The following MATN2 variants were observed in gnomAD, a reference collection of about 807,000 sequenced individuals.
MATN2 encodes the protein matrilin-2.
Under a neutral mutation model 103.2 loss-of-function variants are expected in MATN2, and 69 were observed. The observed-to-expected ratio is 0.67, with a 90% CI of 0.55 to 0.82. The LOEUF (loss-of-function observed/expected upper bound fraction) is 0.82, where lower values mean the gene tolerates loss of function less well. MATN2 is among the 40% of genes least tolerant of loss of function. MATN2 has a pLI of 0.00. For missense variants in MATN2, 1,023 were observed against 1,211.5 expected, an observed-to-expected ratio of 0.84 and a Z score of 2.31; for synonymous variants, 429 against 450.2, an observed-to-expected ratio of 0.95 and a Z score of 0.60.
At position 97,888,187 on chromosome 8, in the gene MATN2, G is replaced by A; in HGVS notation, c.87G>A (p.Gly29=). 3 of 1,606,702 alleles carry A rather than the reference G, an allele frequency of 1.9e-6. No individual in the cohort carries two copies. The highest frequency in any genetic ancestry group is 2.6e-6 in the Non-Finnish European group (3 of 1,175,858). Residue 29 remains glycine, a synonymous_variant, in exon 2 of 19, where the codon GGG becomes GGA. Coordinates refer to ENST00000254898, the MANE Select transcript of MATN2 (RefSeq NM_002380.5). ...CCGAGGCCAGGGAGCGGTCACGTGG[G>A]AGGTCCATCTCTAGGGGCAGACACG... ...LPAEARERSR[G]RSISRGRHAR...
intron 2 of MATN2, among the ~76,000 whole-genome samples, chr8:97,898,561 C>T (rs972284049): frequency 6.7e-6 from 1 of 149,198 alleles, no homozygotes; most frequent in Non-Finnish European, 1.5e-5. Flanking sequence ...CACACCACTA[C>T]ACTCCAGCCT....
At chr8:97,918,509 C>G (rs1263439567) in intron 2 of MATN2, among the ~76,000 whole-genome samples, 2 of 152,214 alleles carry the variant, frequency 1.3e-5, no homozygotes, top group African/African-American at 4.8e-5. Context: ...TTAAGTTACT[C>G]ATTGGGCTTA....
At chr8:98,033,695 G>T in intron 18 of MATN2, 36 bp downstream of exon 18, 1 of 1,334,884 alleles carries the variant, frequency 7.5e-7, no homozygotes, top group African/African-American at 1.4e-5. Flanking sequence ...TGTATGGAAT[G>T]CAAAGAATAT....
chr8:98,001,609 C>T (rs927799648), intron 7 of MATN2, among the ~76,000 whole-genome samples: 4 of 152,070 alleles, frequency 2.6e-5, no homozygotes, highest in South Asian at 2.1e-4. Context: ...GGATTGCAGA[C>T]GCATGCCACC....
Position 98,034,194 on chromosome 8 carries a change from A to G in MATN2, c.2815+535A>G, listed in dbSNP as rs1257337180. On this transcript the variant is annotated intron_variant, in intron 18 of 18. Coordinates refer to ENST00000254898, the MANE Select transcript of MATN2 (RefSeq NM_002380.5). ...GGCAGCAGAGATCTTCTCTATCGGC[A>G]CTCTAAAAAATGAAACACTCCACCA... 8 of 455,456 alleles carry G rather than the reference A, an allele frequency of 1.8e-5. No homozygotes were observed. In the East Asian group the frequency reaches 3.5e-4, roughly 20 times the overall value. 28.2% of individuals were successfully genotyped at this position (455,456 alleles called of 1,614,324 possible). A position where few individuals can be genotyped will look rare whatever the true frequency, so the allele number is the denominator to read the frequency against.
chr8:97,885,876 A>G (rs1221581219), intron 1 of MATN2, among the ~76,000 whole-genome samples: 1 of 152,092 alleles, frequency 6.6e-6, no homozygotes, highest in Non-Finnish European at 1.5e-5. Context: ...GGGGTCCCCA[A>G]CCCCCACCCG....
chr8:98,026,251 A>ATT (rs201197153), intron 13 of MATN2, among the ~76,000 whole-genome samples: 5 of 142,738 alleles, frequency 3.5e-5, no homozygotes, highest in Admixed American at 1.4e-4. Flanking sequence ...TTTTTTTTTA[A>ATT]TTTTGTTTTT....
At chr8:98,033,293 AGAG>A in intron 17 of MATN2, 117 bp downstream of exon 17, 1 of 946,508 alleles carries the variant, frequency 1.1e-6, no homozygotes, top group South Asian at 2.1e-5. Flanking sequence ...ATAGAGGAAA[AGAG>A]AAGAAAGAAT....
intron 4 of MATN2, among the ~76,000 whole-genome samples, chr8:97,949,114 T>A (rs149162119): frequency 6.6e-6 from 1 of 150,730 alleles, no homozygotes; most frequent in Non-Finnish European, 1.5e-5. Flanking sequence ...AAGAAGCACA[T>A]GAAGAGATGC....
intron 4 of MATN2, among the ~76,000 whole-genome samples, chr8:97,955,341 A>G (rs1811110152): frequency 6.6e-6 from 1 of 152,208 alleles, no homozygotes; most frequent in African/African-American, 2.4e-5. Flanking sequence ...CAGCCAACAG[A>G]TGATAGTGGC....
chr8:97,955,919 G>A (rs1811129582), intron 4 of MATN2, among the ~76,000 whole-genome samples: 1 of 152,206 alleles, frequency 6.6e-6, no homozygotes, highest in Non-Finnish European at 1.5e-5. Context: ...CTTTTCTGGT[G>A]TCCATAGCTG....
At chr8:97,994,389 G>C (rs564854337) in intron 6 of MATN2, 91 bp from the exon 7 acceptor site, 7 of 1,418,264 alleles carry the variant, frequency 4.9e-6, no homozygotes, top group Non-Finnish European at 5.7e-6. Flanking sequence ...GATTTTACCT[G>C]TTTGGGAAAA....
At chr8:97,951,147 C>T (rs1479999275) in intron 4 of MATN2, among the ~76,000 whole-genome samples, 1 of 152,244 alleles carries the variant, frequency 6.6e-6, no homozygotes, top group African/African-American at 2.4e-5. Context: ...TTGCTAAATG[C>T]CGTCATCCAG....
At chr8:97,881,471 C>T (rs1433496959) in intron 1 of MATN2, among the ~76,000 whole-genome samples, 1 of 152,184 alleles carries the variant, frequency 6.6e-6, no homozygotes, top group Non-Finnish European at 1.5e-5. Flanking sequence ...TTCCCCCACC[C>T]CCTTGGTGAA....
intron 4 of MATN2, among the ~76,000 whole-genome samples, chr8:97,952,863 T>C (rs1345135041): frequency 1.3e-5 from 2 of 151,822 alleles, no homozygotes. Context: ...AAAACCAAAC[T>C]TGGCCAGAGA....
intron 4 of MATN2, 80 bp from the exon 5 acceptor site, chr8:97,961,327 GT>G: frequency 7.1e-7 from 1 of 1,415,222 alleles, no homozygotes; most frequent in Non-Finnish European, 9.5e-7. Flanking sequence ...GGGCTCTGGA[GT>G]TCCCTGTTGC....
intron 2 of MATN2, among the ~76,000 whole-genome samples, chr8:97,915,402 G>C (rs1265440421): frequency 1.3e-5 from 2 of 152,196 alleles, no homozygotes; most frequent in African/African-American, 4.8e-5. Context: ...AGCACAAAGA[G>C]GGGATTCCTG....
chr8:98,033,237 A>C, intron 17 of MATN2, 61 bp downstream of exon 17: 2 of 1,440,322 alleles, frequency 1.4e-6, no homozygotes, highest in South Asian at 1.4e-5. Context: ...GCTTGCCAAC[A>C]ACCTTAGCTT....
At chr8:97,894,377 T>C (rs1216388345) in intron 2 of MATN2, among the ~76,000 whole-genome samples, 2 of 133,658 alleles carry the variant, frequency 1.5e-5, no homozygotes, top group Non-Finnish European at 3.1e-5. Flanking sequence ...TTGCCCAGGC[T>C]GGAGTGCAGT....
Sources: gnomAD v4.1 joint callset for allele counts (sites outside exome capture counted in the v4.1 genomes callset) on GRCh38, gnomAD v4.1.1 for gene constraint, MANE v1.5 for transcripts, NCBI Gene and HGNC (gene_info 2026-07-23, HGNC 2026-07-21) for gene names.